Variants in LONRF1 observed in about 807,000 individuals in gnomAD.
The protein encoded by LONRF1 is LON peptidase N-terminal domain and RING finger protein 1.
LONRF1 carries 37 observed loss-of-function variants against 85.8 expected under a neutral mutation model. That is an observed-to-expected ratio of 0.43 (90% CI 0.33 to 0.57). The LOEUF (loss-of-function observed/expected upper bound fraction) is 0.57. LONRF1 is among the 20% of genes least tolerant of loss of function. The probability of loss-of-function intolerance (pLI) is 0.04; values close to 1 mark genes in which losing one functional copy is unlikely to be tolerated. For missense variants in LONRF1, 1,036 were observed against 978.0 expected (o/e 1.06, Z -0.79); for synonymous variants, 517 against 390.1 (o/e 1.33, Z -3.83).
At chr8:12,731,670 C>T (rs3802269) in intron 8 of LONRF1, 66 bp downstream of exon 8, 7 of 1,351,714 alleles carry the variant, frequency 5.2e-6, no homozygotes, top group African/African-American at 2.9e-5. Flanking sequence ...ATCCAGCTTG[C>T]GGTGAGGTTT....
chr8:12,739,171 C>T (rs1585241183), intron 3 of LONRF1, among the ~76,000 whole-genome samples: 2 of 152,068 alleles, frequency 1.3e-5, no homozygotes, highest in East Asian at 1.9e-4. Context: ...CACAAAATGA[C>T]TTGTACAAGA....
At chr8:12,749,457 A>G (rs915362216) in intron 1 of LONRF1, among the ~76,000 whole-genome samples, 7 of 152,242 alleles carry the variant, frequency 4.6e-5, no homozygotes, top group Non-Finnish European at 8.8e-5. Flanking sequence ...ATACCTTTGG[A>G]AAGAGGCAGA....
chr8:12,751,568 G>T (rs1009286891), intron 1 of LONRF1, among the ~76,000 whole-genome samples: 1 of 151,782 alleles, frequency 6.6e-6, no homozygotes, highest in Non-Finnish European at 1.5e-5. Context: ...GTCTCCCAAA[G>T]TGCTGGGATT....
chr8:12,748,289 C>T (rs1193679099), intron 1 of LONRF1, among the ~76,000 whole-genome samples: 1 of 152,138 alleles, frequency 6.6e-6, no homozygotes, highest in African/African-American at 2.4e-5. Context: ...ACCGCAGCCT[C>T]GACCTCCTAT....
At chr8:12,741,351 T>G (rs888056185) in intron 2 of LONRF1, among the ~76,000 whole-genome samples, 2 of 152,092 alleles carry the variant, frequency 1.3e-5, no homozygotes, top group African/African-American at 4.8e-5. Flanking sequence ...ACCAATGCAC[T>G]CCAGCCTGGG....
chr8:12,754,022 A>C (rs1012639949), intron 1 of LONRF1: 5 of 152,278 alleles, frequency 3.3e-5, no homozygotes, highest in African/African-American at 1.2e-4. Context: ...GCAAGGGACC[A>C]CCCTGGGCAG....
In LONRF1 at chr8:12,729,338, G is replaced by A. The variant is rs750604538; in HGVS notation, c.1689-6C>T. On this transcript the variant is annotated splice_polypyrimidine_tract_variant and splice_region_variant and intron_variant, in intron 8 of 11. Transcript: ENST00000398246. ...TTGGAACATTCTTGGTCAAGCTAAG[G>A]GAAAAACAGTTTAATTATTAGAATT... The A allele has an allele frequency of 6.2e-7, 1 of 1,609,468 alleles. No homozygotes were observed. Among genetic ancestry groups the A allele is most frequent in the Non-Finnish European group, 8.5e-7 (1 of 1,178,158 alleles).
chr8:12,734,053 A>G (rs1191404332), intron 7 of LONRF1, among the ~76,000 whole-genome samples: 2 of 152,216 alleles, frequency 1.3e-5, no homozygotes, highest in Non-Finnish European at 2.9e-5. Flanking sequence ...TTACTTTTGC[A>G]CCAACCTAAC....
chr8:12,742,290 G>C (rs565316375), intron 2 of LONRF1, among the ~76,000 whole-genome samples: 1 of 152,164 alleles, frequency 6.6e-6, no homozygotes, highest in Non-Finnish European at 1.5e-5. Flanking sequence ...GTTTTGAATG[G>C]AGGGAAAAGG....
intron 1 of LONRF1, among the ~76,000 whole-genome samples, chr8:12,745,690 G>A (rs1051498769): frequency 6.6e-6 from 1 of 152,144 alleles, no homozygotes; most frequent in African/African-American, 2.4e-5. Flanking sequence ...CAAGTGCCTG[G>A]CATATTATGT....
intron 1 of LONRF1, among the ~76,000 whole-genome samples, chr8:12,752,569 A>G (rs1456216318): frequency 6.6e-6 from 1 of 152,264 alleles, no homozygotes; most frequent in Non-Finnish European, 1.5e-5. Flanking sequence ...AGTAGAATGA[A>G]GTTGCTAAGT....
chr8:12,740,824 G>C (rs1402871398), intron 3 of LONRF1, 50 bp downstream of exon 3: 3 of 1,551,182 alleles, frequency 1.9e-6, no homozygotes, highest in East Asian at 4.6e-5. Flanking sequence ...TTTTAAACCT[G>C]TCTGCCTCTT....
At chr8:12,731,452 C>T (rs996123060) in intron 8 of LONRF1, among the ~76,000 whole-genome samples, 1 of 152,096 alleles carries the variant, frequency 6.6e-6, no homozygotes, top group Non-Finnish European at 1.5e-5. Flanking sequence ...CACCAGCGCC[C>T]CCTCTCTATT....
At chr8:12,735,218 G>T in intron 7 of LONRF1, 68 bp downstream of exon 7, 1 of 999,230 alleles carries the variant, frequency 1.0e-6, no homozygotes. Flanking sequence ...TATTTCTATG[G>T]CTGAACAGAA....
At chr8:12,745,208 C>T (rs1021058704) in intron 1 of LONRF1, among the ~76,000 whole-genome samples, 1 of 151,868 alleles carries the variant, frequency 6.6e-6, no homozygotes, top group African/African-American at 2.4e-5. Flanking sequence ...AAGATGCACG[C>T]CCTAAGTAGA....
chr8:12,743,140 G>A, intron 2 of LONRF1, 24 bp downstream of exon 2: 1 of 1,424,548 alleles, frequency 7.0e-7, no homozygotes, highest in East Asian at 2.3e-5. Flanking sequence ...TACAATTTAT[G>A]CAAACATAAA....
intron 2 of LONRF1, 54 bp downstream of exon 2, chr8:12,743,110 G>T: frequency 9.0e-7 from 1 of 1,105,954 alleles, no homozygotes; most frequent in Non-Finnish European, 1.4e-6. Context: ...ATGAATGCAT[G>T]TCCCTTATAG....
intron 10 of LONRF1, among the ~76,000 whole-genome samples, chr8:12,728,154 C>T (rs1194854942): frequency 6.6e-6 from 1 of 152,256 alleles, no homozygotes; most frequent in Non-Finnish European, 1.5e-5. Context: ...TTTTATAATG[C>T]CTTTCCAAAA....
chr8:12,732,303 C>T (rs75140514), intron 7 of LONRF1, among the ~76,000 whole-genome samples: 2,039 of 151,892 alleles, frequency 0.013, 22 homozygotes, highest in South Asian at 0.031. Context: ...CAATTTCAGA[C>T]ACAGTCTCTA....
Sources: allele counts gnomAD v4.1 joint callset (sites outside exome capture counted in the v4.1 genomes callset), GRCh38; gene constraint gnomAD v4.1.1; transcripts MANE v1.5; gene names NCBI Gene and HGNC (gene_info 2026-07-23, HGNC 2026-07-21).